RNF38: variants seen among roughly 807,000 people sequenced by gnomAD.
RNF38 encodes the protein E3 ubiquitin-protein ligase RNF38.
Under a neutral mutation model 67.2 loss-of-function variants are expected in RNF38, and 15 were observed. The observed-to-expected ratio is 0.22, with a 90% CI of 0.15 to 0.34. RNF38 has a LOEUF of 0.34. Ranked by LOEUF, RNF38 falls within the 10% of genes least tolerant of loss-of-function variation. RNF38 has a pLI of 1.00. For missense variants in RNF38, 524 were observed against 639.9 expected (o/e 0.82, Z 1.95); for synonymous variants, 220 against 218.8 (o/e 1.01, Z -0.05).
At chr9:36,474,876 T>A (rs1159799249) in intron 1 of RNF38, among the ~76,000 whole-genome samples, 1 of 147,932 alleles carries the variant, frequency 6.8e-6, no homozygotes, top group African/African-American at 2.5e-5. Flanking sequence ...GCGCGGTGCC[T>A]CACGCCTGTA....
intron 3 of RNF38, 105 bp downstream of exon 3, chr9:36,375,829 G>C: frequency 1.0e-6 from 1 of 1,002,996 alleles, no homozygotes; most frequent in Non-Finnish European, 1.5e-6. Context: ...TATATGTGGT[G>C]ATGTGTTTAT....
intron 9 of RNF38, among the ~76,000 whole-genome samples, chr9:36,350,865 T>G (rs1563999850): frequency 6.6e-6 from 1 of 152,232 alleles, no homozygotes; most frequent in Admixed American, 6.5e-5. Context: ...TGACCCAGGA[T>G]GGCTCTGAAT....
intron 1 of RNF38, among the ~76,000 whole-genome samples, chr9:36,436,486 T>TATA (rs150883216): frequency 6.6e-6 from 1 of 152,320 alleles, no homozygotes; most frequent in African/African-American, 2.4e-5. Flanking sequence ...TTCCTTCTAT[T>TATA]ATTTGTGGAA....
intron 2 of RNF38, among the ~76,000 whole-genome samples, chr9:36,406,890 G>A (rs1020511162): frequency 3.3e-5 from 5 of 152,158 alleles, no homozygotes; most frequent in Admixed American, 6.5e-5. Flanking sequence ...GGCCGGGCGC[G>A]GTGGCTCACG....
At position 36,400,149 on chromosome 9, in the gene RNF38, T is replaced by C; in HGVS notation, c.-41A>G. The C allele has an allele frequency of 6.2e-7, 1 of 1,610,200 alleles. No individual in the cohort carries two copies. Among genetic ancestry groups the C allele is most frequent in the Non-Finnish European group, 8.5e-7 (1 of 1,178,310 alleles). On this transcript the variant is annotated 5_prime_UTR_variant, in exon 1 of 12. Coordinates refer to ENST00000259605, the MANE Select transcript of RNF38 (RefSeq NM_022781.5). ...AACTTTATTTCTTTTTGGACCTCAA[T>C]AACCTGAAACACTCCCGTTTCAAAA...
chr9:36,406,883 C>T (rs1440158997), intron 2 of RNF38, among the ~76,000 whole-genome samples: 2 of 152,124 alleles, frequency 1.3e-5, no homozygotes, highest in East Asian at 1.9e-4. Flanking sequence ...TGCACTGGGC[C>T]GGGCGCGGTG....
chr9:36,351,907 G>A (rs1438843530), intron 8 of RNF38, among the ~76,000 whole-genome samples: 1 of 152,166 alleles, frequency 6.6e-6, no homozygotes, highest in Non-Finnish European at 1.5e-5. Flanking sequence ...GGCCACCTTA[G>A]ATCTTATACA....
intron 1 of RNF38, among the ~76,000 whole-genome samples, chr9:36,454,598 T>TTC: frequency 6.7e-6 from 1 of 150,078 alleles, no homozygotes; most frequent in East Asian, 1.9e-4. Flanking sequence ...TTTTTTTTTT[T>TTC]TTGAGACGGA....
At chr9:36,351,522 ATGC>A (rs1417977755) in intron 8 of RNF38, among the ~76,000 whole-genome samples, 2 of 152,212 alleles carry the variant, frequency 1.3e-5, no homozygotes, top group Non-Finnish European at 2.9e-5. Context: ...AAAAACTCAC[ATGC>A]TGATTTAAAA....
intron 2 of RNF38, among the ~76,000 whole-genome samples, chr9:36,386,642 G>T (rs1422744642): frequency 1.3e-5 from 2 of 152,058 alleles, no homozygotes; most frequent in Non-Finnish European, 2.9e-5. Context: ...CAAGATACAA[G>T]ACCTTCCTGA....
chr9:36,457,567 A>G (rs80017254), intron 1 of RNF38, among the ~76,000 whole-genome samples: 1 of 152,160 alleles, frequency 6.6e-6, no homozygotes, highest in African/African-American at 2.4e-5. Context: ...TTACGGTTGA[A>G]GATAATCTTT....
chr9:36,365,662 GT>G (rs759974775), intron 4 of RNF38, among the ~76,000 whole-genome samples: 3 of 103,600 alleles, frequency 2.9e-5, no homozygotes, highest in African/African-American at 1.2e-4. Flanking sequence ...AAGACTGATA[GT>G]TTTTTTTTTT....
At chr9:36,372,928 G>A (rs1465551920) in intron 3 of RNF38, among the ~76,000 whole-genome samples, 3 of 152,116 alleles carry the variant, frequency 2.0e-5, no homozygotes, top group African/African-American at 7.2e-5. Flanking sequence ...ACTAAGAGCC[G>A]GGTGCAGTGG....
In RNF38 at chr9:36,345,438, C is replaced by T. The variant is rs142346068; in HGVS notation, c.1264-485G>A. Among the ~76,000 whole-genome samples, 415 of 152,192 alleles carry T rather than the reference C, an allele frequency of 2.7e-3. 1 individual carries two copies. Among genetic ancestry groups the T allele is most frequent in the East Asian group, 6.0e-3 (31 of 5,174 alleles). On this transcript the variant is annotated intron_variant, in intron 9 of 11. Coordinates refer to ENST00000259605, the MANE Select transcript of RNF38 (RefSeq NM_022781.5). ...TGTGAGCTGGATAATTCTTTGTTGT[C>T]GGGGCTGGCCTGGGGACTACAGGAT...
intron 2 of RNF38, 104 bp from the exon 3 acceptor site, chr9:36,376,231 T>A: frequency 1.2e-6 from 1 of 869,160 alleles, no homozygotes. Context: ...AATCTAAAAA[T>A]GTAAAGCGGG....
chr9:36,466,119 ATCTAT>A (rs759255606), intron 1 of RNF38, among the ~76,000 whole-genome samples: 1 of 152,220 alleles, frequency 6.6e-6, no homozygotes, highest in East Asian at 1.9e-4. Context: ...TGAAAATACT[ATCTAT>A]TCTAAGTGGA....
intron 4 of RNF38, among the ~76,000 whole-genome samples, chr9:36,361,109 G>A (rs915846220): frequency 3.3e-5 from 5 of 151,426 alleles, no homozygotes; most frequent in African/African-American, 9.7e-5. Flanking sequence ...GAACCACCGC[G>A]CTTGGCCAAG....
chr9:36,414,487 C>T (rs1231845040), intron 2 of RNF38, among the ~76,000 whole-genome samples: 1 of 151,984 alleles, frequency 6.6e-6, no homozygotes, highest in Non-Finnish European at 1.5e-5. Flanking sequence ...GAGTTCGAGA[C>T]CAGCCTGACC....
At chr9:36,477,689 G>A (rs1049295556) in intron 1 of RNF38, among the ~76,000 whole-genome samples, 7 of 151,548 alleles carry the variant, frequency 4.6e-5, no homozygotes, top group African/African-American at 1.5e-4. Context: ...CGGGCGTGGT[G>A]GGGGGCGCCT....
Sources: allele counts gnomAD v4.1 joint callset (sites outside exome capture counted in the v4.1 genomes callset), GRCh38; gene constraint gnomAD v4.1.1; transcripts MANE v1.5; gene names NCBI Gene and HGNC (gene_info 2026-07-23, HGNC 2026-07-21).